Variants in NET1 observed in about 807,000 individuals in gnomAD.
The protein encoded by NET1 is neuroepithelial cell-transforming gene 1 protein.
Under a neutral mutation model 61.1 loss-of-function variants are expected in NET1, and 42 were observed. The ratio of observed to expected loss-of-function variants is 0.69; its 90% CI spans 0.54 to 0.89. The LOEUF (loss-of-function observed/expected upper bound fraction) is 0.89. Among genes scored for constraint, NET1 ranks in the 40% least tolerant of loss-of-function variants. The probability of loss-of-function intolerance (pLI) is 0.00; values close to 1 mark genes in which losing one functional copy is unlikely to be tolerated. For missense variants in NET1, 654 were observed against 747.3 expected, an observed-to-expected ratio of 0.88 and a Z score of 1.46; for synonymous variants, 254 against 281.8, an observed-to-expected ratio of 0.90 and a Z score of 0.99.
At position 5,422,241 on chromosome 10, in the gene NET1, G is replaced by A. The variant is rs1470595069; in HGVS notation, c.129-4414G>A. Among the ~76,000 whole-genome samples the A allele has an allele frequency of 6.6e-6, 1 of 152,020 alleles. No individual in the cohort carries two copies. Among genetic ancestry groups the A allele is most frequent in the Non-Finnish European group, 1.5e-5 (1 of 68,016 alleles). On this transcript the variant is annotated intron_variant, in intron 1 of 11. Transcript: ENST00000355029. The surrounding 1 kb of genome is among the most constrained non-coding windows in gnomAD (Gnocchi z 4.1). ...AATCCTAGCTACTCGGGAGATTGAGGCAGGAGAATCGCTTGAACCCTGGAG... is the reference window on the plus strand; with the variant it reads ...AATCCTAGCTACTCGGGAGATTGAGACAGGAGAATCGCTTGAACCCTGGAG...
rs749810077 is a variant in NET1, at chr10:5,454,494, A to T, written c.998A>T (p.His333Leu). The change falls in exon 9 of 12, where the codon CAC becomes CTC. Residue 333 changes from histidine to leucine, a missense_variant. Physicochemically the swap from His to Leu is moderately conservative, Grantham distance 99. Coordinates refer to ENST00000355029, the MANE Select transcript of NET1 (RefSeq NM_001047160.3). This position sits in a 1 kb window ranked among gnomAD's most constrained non-coding sequence, Gnocchi z 8.1. ...ATTCTTAAACACACTCCAAAAGAGC[A>T]CCCTGATGTTCAGCTTCTGGAGGAT... ...KEILKHTPKEHPDVQLLEDAI... is the reference protein window; with the variant it reads ...KEILKHTPKELPDVQLLEDAI... 5.0e-6 allele frequency: 8 copies of T among 1,613,860 alleles called. No individual in the cohort carries two copies.
Position 5,427,326 on chromosome 10 carries a change from G to T in NET1, c.195+605G>T, listed in dbSNP as rs953884036. Among the ~76,000 whole-genome samples, 3 of 152,070 alleles carry T rather than the reference G, an allele frequency of 2.0e-5. No individual in the cohort carries two copies. Among genetic ancestry groups the T allele is most frequent in the Admixed American group, 1.3e-4 (2 of 15,248 alleles). On this transcript the variant is annotated intron_variant, in intron 2 of 11. Transcript: ENST00000355029. The surrounding 1 kb of genome is among the most constrained non-coding windows in gnomAD (Gnocchi z 4.1). ...CTTATCTAGGAAAAATAGCAAAAGTGATTCAAAATATAATTTCATATAAAT... is the reference window on the plus strand; with the variant it reads ...CTTATCTAGGAAAAATAGCAAAAGTTATTCAAAATATAATTTCATATAAAT...
chr10:5,453,067 A>G lies in NET1; in HGVS notation c.594+147A>G. The G allele has an allele frequency of 1.4e-6, 1 of 707,528 alleles. No individual in the cohort carries two copies. Among genetic ancestry groups the G allele is most frequent in the Non-Finnish European group, 2.5e-6 (1 of 403,528 alleles). The allele number at this position is 707,528 out of a possible 1,614,324, so 43.8% of individuals were successfully genotyped here. On this transcript the variant is annotated intron_variant, in intron 6 of 11. Coordinates refer to ENST00000355029, the MANE Select transcript of NET1 (RefSeq NM_001047160.3). The surrounding 1 kb of genome is among the most constrained non-coding windows in gnomAD (Gnocchi z 4.9). ...TTTTTTTTAGGTGAGGTCTAGACAC[A>G]TCCTCAAATACAAGTATTAGTAAGA...
At position 5,443,380 on chromosome 10, in the gene NET1, T is replaced by G. The variant is rs1832555193; in HGVS notation, c.256-8450T>G. 6.6e-6 allele frequency among the ~76,000 whole-genome samples: 1 copy of G among 152,236 alleles called. No homozygotes were observed. The highest frequency in any genetic ancestry group is 1.5e-5 in the Non-Finnish European group (1 of 68,036). ...CTCTAGCACAAAGTAATTGAGATAATAAGTACTTCATAGAGTTGATTAAAT... is the reference window on the plus strand; with the variant it reads ...CTCTAGCACAAAGTAATTGAGATAAGAAGTACTTCATAGAGTTGATTAAAT... On this transcript the variant is annotated intron_variant, in intron 3 of 11. Transcript: ENST00000355029. This position sits in a 1 kb window ranked among gnomAD's most constrained non-coding sequence, Gnocchi z 4.8.
At position 5,415,440 on chromosome 10, in the gene NET1, C is replaced by CT. The variant is rs55784274; in HGVS notation, c.128+2632dup. On this transcript the variant is annotated intron_variant, in intron 1 of 11. Transcript: ENST00000355029. This position sits in a 1 kb window ranked among gnomAD's most constrained non-coding sequence, Gnocchi z 4.7. ...CATTTTTGGTGGGCCATCCTTTGCT[C>CT]TTTTTTTTTTTTCTTTTGAGACGGA... is the stretch of plus-strand genomic sequence containing the variant. Among the ~76,000 whole-genome samples the CT allele has an allele frequency of 2.4e-4, 35 of 145,248 alleles. 1 individual carries two copies. The highest frequency in any genetic ancestry group is 4.1e-4 in the African/African-American group (16 of 39,302).
rs763143040 is a variant in NET1 at position 5,456,868 on chromosome 10, A to G, written c.1665A>G (p.Arg555=). Residue 555 remains arginine, a synonymous_variant, in exon 12 of 12, where the codon AGA becomes AGG. Coordinates refer to ENST00000355029, the MANE Select transcript of NET1 (RefSeq NM_001047160.3). This position sits in a 1 kb window ranked among gnomAD's most constrained non-coding sequence, Gnocchi z 7.0. ...TQVEVDENAY[R]CGSGMQMAED... ...TAGAAGTTGATGAAAACGCTTACAG[A>G]TGTGGCTCTGGCATGCAGATGGCAG... 6.2e-7 allele frequency: 1 copy of G among 1,614,140 alleles called. No homozygotes were observed. Among genetic ancestry groups the G allele is most frequent in the Non-Finnish European group, 8.5e-7 (1 of 1,180,014 alleles).
Position 5,451,169 on chromosome 10 carries a change from C to T in NET1, c.256-661C>T, listed in dbSNP as rs375915008. Among the ~76,000 whole-genome samples, 22 of 152,210 alleles carry T rather than the reference C, an allele frequency of 1.4e-4. 1 individual carries two copies. The highest frequency in any genetic ancestry group is 5.1e-4 in the African/African-American group (21 of 41,530). Reference sequence around the variant, plus strand: ...CATTTTATAGATGAGAAAACTGATGCCAAGGGTGTGCCCTAGCAAGTGGTA... The same window carrying T: ...CATTTTATAGATGAGAAAACTGATGTCAAGGGTGTGCCCTAGCAAGTGGTA... On this transcript the variant is annotated intron_variant, in intron 3 of 11. Coordinates refer to ENST00000355029, the MANE Select transcript of NET1 (RefSeq NM_001047160.3). The surrounding 1 kb of genome is among the most constrained non-coding windows in gnomAD (Gnocchi z 6.1).
Position 5,444,062 on chromosome 10 carries a change from A to G in NET1, c.256-7768A>G, listed in dbSNP as rs1170692998. ...CTGTTCATATTAGCTCTGAGAATGT[A>G]GGTAGATCACTGTTCTTAAAATTAA... On this transcript the variant is annotated intron_variant, in intron 3 of 11. Coordinates refer to ENST00000355029, the MANE Select transcript of NET1 (RefSeq NM_001047160.3). This position sits in a 1 kb window ranked among gnomAD's most constrained non-coding sequence, Gnocchi z 5.3. 6.6e-6 allele frequency among the ~76,000 whole-genome samples: 1 copy of G among 152,380 alleles called. No homozygotes were observed. The highest frequency in any genetic ancestry group is 6.5e-5 in the Admixed American group (1 of 15,314).
intron 1 of NET1, among the ~76,000 whole-genome samples, chr10:5,419,522 T>C (rs1454107542): frequency 6.6e-6 from 1 of 152,242 alleles, no homozygotes; most frequent in Non-Finnish European, 1.5e-5. Flanking sequence ...TTTTCTAATT[T>C]ATAGCATTTG....
rs150438387 is a variant in NET1 at position 5,446,908 on chromosome 10, C to T, written c.256-4922C>T. 3 of 1,497,626 alleles carry T rather than the reference C, an allele frequency of 2.0e-6. No individual in the cohort carries two copies. Among genetic ancestry groups the T allele is most frequent in the Middle Eastern group, 1.8e-4 (1 of 5,712 alleles). 92.8% of individuals were successfully genotyped at this position (1,497,626 alleles called of 1,614,324 possible). ...GCAAAAGGAATGTTTTCTAACTCCA[C>T]GGAGCTTTTAAAATTTTTAACAAGG... On this transcript the variant is annotated intron_variant, in intron 3 of 11. Coordinates refer to ENST00000355029, the MANE Select transcript of NET1 (RefSeq NM_001047160.3). The surrounding 1 kb of genome is among the most constrained non-coding windows in gnomAD (Gnocchi z 5.0).
rs762263949 is a variant in NET1, at chr10:5,453,370, A to G, written c.691+24A>G. 6.9e-6 allele frequency: 11 copies of G among 1,583,528 alleles called. No individual in the cohort carries two copies. Among genetic ancestry groups the G allele is most frequent in the Non-Finnish European group, 8.7e-6 (10 of 1,152,128 alleles). On this transcript the variant is annotated intron_variant, in intron 7 of 11. Transcript: ENST00000355029. This position sits in a 1 kb window ranked among gnomAD's most constrained non-coding sequence, Gnocchi z 4.9. ...AGGTTAGATGTGCCACTTAATTGTCATTAAATCTAAAGAGCAGCGGTGCAT... is the reference window on the plus strand; with the variant it reads ...AGGTTAGATGTGCCACTTAATTGTCGTTAAATCTAAAGAGCAGCGGTGCAT...
chr10:5,456,631 C>T lies in NET1; in HGVS notation c.1428C>T (p.Ala476=), dbSNP rs1832804156. ...FRIRFHDPSP[A]QSHTLQANDV... is the part of the protein sequence containing the mutation. ...TTCGCTTCCATGACCCCTCTCCAGC[C>T]CAGTCTCACACTCTGCAAGCCAATG... The change falls in exon 12 of 12, where the codon GCC becomes GCT. Residue 476 remains alanine (A), a synonymous_variant. Coordinates refer to ENST00000355029, the MANE Select transcript of NET1 (RefSeq NM_001047160.3). The surrounding 1 kb of genome is among the most constrained non-coding windows in gnomAD (Gnocchi z 7.0). The T allele has an allele frequency of 1.9e-6, 3 of 1,583,346 alleles. No individual in the cohort carries two copies. The highest frequency in any genetic ancestry group is 1.9e-5 in the Admixed American group (1 of 53,630).
rs1832157754 is a variant in NET1 at position 5,420,644 on chromosome 10, G to A, written c.129-6011G>A. On this transcript the variant is annotated intron_variant, in intron 1 of 11. Coordinates refer to ENST00000355029, the MANE Select transcript of NET1 (RefSeq NM_001047160.3). The surrounding 1 kb of genome is among the most constrained non-coding windows in gnomAD (Gnocchi z 5.3). Reference sequence around the variant, plus strand: ...TGGAGTCTTGCTCTGTCGCCAGGCTGGAGTGCAGTGGCGCGATCTCGGCTC... The same window carrying A: ...TGGAGTCTTGCTCTGTCGCCAGGCTAGAGTGCAGTGGCGCGATCTCGGCTC... 6.6e-6 allele frequency among the ~76,000 whole-genome samples: 1 copy of A among 152,122 alleles called. No homozygotes were observed. Among genetic ancestry groups the A allele is most frequent in the Non-Finnish European group, 1.5e-5 (1 of 68,020 alleles).
intron 3 of NET1, among the ~76,000 whole-genome samples, chr10:5,434,308 G>C (rs537375880): frequency 1.1e-4 from 17 of 152,138 alleles, no homozygotes; most frequent in Non-Finnish European, 2.2e-4. Context: ...CTTTGCTTCT[G>C]TTGCCCTGTT....
rs755386843 is a variant in NET1, at chr10:5,455,562, G to A, written c.1197+444G>A. Among the ~76,000 whole-genome samples, 26 of 152,140 alleles carry A rather than the reference G, an allele frequency of 1.7e-4. No individual in the cohort carries two copies. Among genetic ancestry groups the A allele is most frequent in the Non-Finnish European group, 3.5e-4 (24 of 68,038 alleles). ...ACCTGCTAGAACTAAGTGCAGTCAC[G>A]GAATGGTATTTTTGTTTCATCATGC... On this transcript the variant is annotated intron_variant, in intron 10 of 11. Transcript: ENST00000355029. This position sits in a 1 kb window ranked among gnomAD's most constrained non-coding sequence, Gnocchi z 6.5.
Position 5,422,276 on chromosome 10 carries a change from G to C in NET1, c.129-4379G>C, listed in dbSNP as rs530483009. On this transcript the variant is annotated intron_variant, in intron 1 of 11. Transcript: ENST00000355029. The surrounding 1 kb of genome is among the most constrained non-coding windows in gnomAD (Gnocchi z 4.1). ...CGCTTGAACCCTGGAGGCGGAGGTT[G>C]TAGTGAGCCGAGATCGTACCACTGC... Among the ~76,000 whole-genome samples, 1 of 151,806 alleles carries C rather than the reference G, an allele frequency of 6.6e-6. No homozygotes were observed. Among genetic ancestry groups the C allele is most frequent in the South Asian group, 2.1e-4 (1 of 4,788 alleles).
rs1290102993 is a variant in NET1, at chr10:5,456,207, G to C, written c.1318G>C (p.Asp440His). The C allele has an allele frequency of 6.2e-7, 1 of 1,614,086 alleles. No individual in the cohort carries two copies. Among genetic ancestry groups the C allele is most frequent in the Non-Finnish European group, 8.5e-7 (1 of 1,180,038 alleles). ...CCCAGTCCAAGAGCTAGTCCTAGAA[G>C]ACCTGCAGGATGGAGATGTGAGAAT... Reference protein sequence around the residue: ...PIPVQELVLEDLQDGDVRMGG... With the variant: ...PIPVQELVLEHLQDGDVRMGG... The change falls in exon 11 of 12, where the codon GAC becomes CAC. Residue 440 changes from aspartate (D) to histidine (H), a missense_variant. Physicochemically the swap from Asp to His is moderately conservative, Grantham distance 81. Transcript: ENST00000355029. The surrounding 1 kb of genome is among the most constrained non-coding windows in gnomAD (Gnocchi z 7.0).
chr10:5,426,542 C>A lies in NET1; in HGVS notation c.129-113C>A. On this transcript the variant is annotated intron_variant, in intron 1 of 11. Coordinates refer to ENST00000355029, the MANE Select transcript of NET1 (RefSeq NM_001047160.3). This position sits in a 1 kb window ranked among gnomAD's most constrained non-coding sequence, Gnocchi z 4.6. ...ATATTACTAAGATTGAATGACAAATCAGGCCACTTTAAACGGTTTTGAAAG... is the reference window on the plus strand; with the variant it reads ...ATATTACTAAGATTGAATGACAAATAAGGCCACTTTAAACGGTTTTGAAAG... The A allele has an allele frequency of 1.4e-6, 1 of 690,224 alleles. No homozygotes were observed. 42.8% of individuals were successfully genotyped at this position (690,224 alleles called of 1,614,324 possible). A position where few individuals can be genotyped will look rare whatever the true frequency, so the allele number is the denominator to read the frequency against.
chr10:5,413,305 C>A (rs924739782), intron 1 of NET1, among the ~76,000 whole-genome samples: 2 of 152,168 alleles, frequency 1.3e-5, no homozygotes, highest in Non-Finnish European at 2.9e-5. Context: ...TCATGGTGAG[C>A]ACCACGAGAA....
Sources: gnomAD v4.1 joint callset for allele counts (sites outside exome capture counted in the v4.1 genomes callset) on GRCh38, gnomAD v4.1.1 for gene constraint, Gnocchi (gnomAD v3.1) non-coding constraint, MANE v1.5 for transcripts, NCBI Gene and HGNC (gene_info 2026-07-23, HGNC 2026-07-21) for gene names.